PBRM1: variants seen among roughly 807,000 people sequenced by gnomAD.
The protein encoded by PBRM1 is protein polybromo-1.
In PBRM1, 27 loss-of-function variants were observed where a neutral mutation model predicts 194.5. The ratio of observed to expected loss-of-function variants is 0.14; its 90% CI spans 0.10 to 0.19. The LOEUF (loss-of-function observed/expected upper bound fraction) is 0.19. Ranked by LOEUF, PBRM1 falls within the 10% of genes least tolerant of loss-of-function variation. The probability of loss-of-function intolerance (pLI) is 1.00; values close to 1 mark genes in which losing one functional copy is unlikely to be tolerated. For missense variants in PBRM1, 1,466 were observed against 2,077.2 expected, an observed-to-expected ratio of 0.71 and a Z score of 5.72; for synonymous variants, 655 against 693.2, an observed-to-expected ratio of 0.94 and a Z score of 0.87.
chr3:52,684,162 T>TCC, upstream of PBRM1, among the ~76,000 whole-genome samples: 1 of 86,506 alleles, frequency 1.2e-5, no homozygotes, highest in Non-Finnish European at 2.1e-5. Context: ...AGTCAGACCT[T>TCC]GTCTCAAAAA....
At chr3:52,581,731 G>C (rs1240296490) in intron 20 of PBRM1, among the ~76,000 whole-genome samples, 1 of 151,570 alleles carries the variant, frequency 6.6e-6, no homozygotes, top group Non-Finnish European at 1.5e-5. Context: ...TCTCCCTCCT[G>C]GGTTCAAGTG....
chr3:52,588,823 T>C (rs1219698530), intron 18 of PBRM1, among the ~76,000 whole-genome samples: 1 of 152,190 alleles, frequency 6.6e-6, no homozygotes, highest in Admixed American at 6.5e-5. Context: ...CCCAAAGTGC[T>C]GGGATTACAG....
At chr3:52,670,002 C>G (rs1418713781) in intron 2 of PBRM1, among the ~76,000 whole-genome samples, 1 of 152,172 alleles carries the variant, frequency 6.6e-6, no homozygotes, top group African/African-American at 2.4e-5. Context: ...CTTCTCACAG[C>G]ACACATTAGG....
intron 7 of PBRM1, among the ~76,000 whole-genome samples, chr3:52,648,068 C>T (rs1200128495): frequency 1.3e-5 from 2 of 151,994 alleles, no homozygotes; most frequent in East Asian, 1.9e-4. Flanking sequence ...GCCACCACGC[C>T]CAGCTAATTT....
At chr3:52,567,553 G>C (rs1387145643) in intron 22 of PBRM1, among the ~76,000 whole-genome samples, 1 of 99,084 alleles carries the variant, frequency 1.0e-5, no homozygotes, top group Non-Finnish European at 1.9e-5. Context: ...TTGACAATTT[G>C]ATAGGTAATC....
chr3:52,589,407 G>C (rs528840172), intron 17 of PBRM1, 152 bp from the exon 20 acceptor site: 2 of 483,156 alleles, frequency 4.1e-6, no homozygotes, highest in African/African-American at 2.0e-5. Flanking sequence ...GCAATAGTAT[G>C]ATCTTCACAT....
At chr3:52,547,304 A>G, downstream of PBRM1, 1 of 233,118 alleles carries the variant, frequency 4.3e-6, no homozygotes, top group African/African-American at 2.2e-5. Context: ...CACTGACACC[A>G]TAGTCTAACT....
At position 52,570,708 on chromosome 3, in the gene PBRM1, C is replaced by T. The variant is rs187854240; in HGVS notation, c.3691+5833G>A. On this transcript the variant is annotated intron_variant, in intron 22 of 29. Transcript: ENST00000296302. ...TGCTGGATTTTGATTGGAATTGGAA[C>T]GAACCAATAGATCAATTTGGGGGGA... Among the ~76,000 whole-genome samples the T allele has an allele frequency of 1.6e-4, 24 of 152,224 alleles. 1 individual carries two copies. The highest frequency in any genetic ancestry group is 6.5e-4 in the Admixed American group (10 of 15,290).
exon 1 of PBRM1, chr3:52,685,818 G>GC: frequency 2.6e-6 from 1 of 381,872 alleles, no homozygotes; most frequent in Non-Finnish European, 4.7e-6. Flanking sequence ...TGGCCGCCAC[G>GC]GCTGCTGCTA....
At chr3:52,575,050 G>A (rs1223148935) in intron 22 of PBRM1, among the ~76,000 whole-genome samples, 1 of 151,922 alleles carries the variant, frequency 6.6e-6, no homozygotes, top group African/African-American at 2.4e-5. Context: ...CATGGATATA[G>A]ACCACCACAC....
chr3:52,561,845 A>G (rs2153490734), exon 25 of PBRM1: 1 of 1,614,166 alleles, frequency 6.2e-7, no homozygotes, highest in African/African-American at 1.3e-5. Context: ...CCGAAAGAGT[A>G]GTCTGGGTGT....
chr3:52,669,992 C>A (rs140982865), intron 2 of PBRM1, among the ~76,000 whole-genome samples: 6 of 152,258 alleles, frequency 3.9e-5, no homozygotes, highest in African/African-American at 1.2e-4. Flanking sequence ...ATCAAGGAAC[C>A]TTCTCACAGC....
At chr3:52,680,212 A>G (rs1315233588), upstream of PBRM1, among the ~76,000 whole-genome samples, 2 of 152,220 alleles carry the variant, frequency 1.3e-5, no homozygotes, top group African/African-American at 4.8e-5. Context: ...GAAAAGAGCA[A>G]GAAGCAGAGC....
At chr3:52,598,308 CA>C (rs2093721544) in intron 17 of PBRM1, among the ~76,000 whole-genome samples, 2 of 152,282 alleles carry the variant, frequency 1.3e-5, no homozygotes, top group East Asian at 3.9e-4. Flanking sequence ...TTCATTATCC[CA>C]AACAGAAACT....
chr3:52,589,290 G>A (rs754882292), intron 17 of PBRM1, 35 bp from the exon 20 acceptor site: 3 of 1,418,270 alleles, frequency 2.1e-6, no homozygotes, highest in East Asian at 4.9e-5. Flanking sequence ...AAGGAAAAAG[G>A]TACTCACCAA....
chr3:52,639,734 A>T (rs1004335699), intron 10 of PBRM1, among the ~76,000 whole-genome samples: 79 of 141,260 alleles, frequency 5.6e-4, no homozygotes, highest in South Asian at 1.1e-3. Context: ...TGCCTTAAAA[A>T]TTTTTTTTTT....
At chr3:52,588,993 T>G in intron 18 of PBRM1, 77 bp downstream of exon 20, 1 of 1,023,832 alleles carries the variant, frequency 9.8e-7, no homozygotes, top group Non-Finnish European at 1.5e-6. Context: ...TGAGTTAAAA[T>G]TTTCTTCCCT....
chr3:52,596,346 G>A (rs1304514337), intron 17 of PBRM1, among the ~76,000 whole-genome samples: 3 of 146,716 alleles, frequency 2.0e-5, no homozygotes, highest in Admixed American at 1.4e-4. Flanking sequence ...GCTGAGGCAG[G>A]AGAATTGCTT....
chr3:52,676,855 T>C (rs1411859469), intron 2 of PBRM1, among the ~76,000 whole-genome samples: 2 of 152,098 alleles, frequency 1.3e-5, no homozygotes, highest in Non-Finnish European at 2.9e-5. Context: ...TTGCTGGGAA[T>C]TGGAGTAAAG....
Sources: allele counts gnomAD v4.1 joint callset (sites outside exome capture counted in the v4.1 genomes callset), GRCh38; gene constraint gnomAD v4.1.1; transcripts MANE v1.5; gene names NCBI Gene and HGNC (gene_info 2026-07-23, HGNC 2026-07-21).